CCDC14: variants seen among roughly 807,000 people sequenced by gnomAD.
CCDC14 encodes the protein coiled-coil domain containing 14, also known as coiled-coil domain-containing protein 14.
In CCDC14, 71 loss-of-function variants were observed where a neutral mutation model predicts 81.4. That is an observed-to-expected ratio of 0.87 (90% CI 0.72 to 1.06). The LOEUF is 1.06. Ranked by LOEUF, CCDC14 falls within the 50% of genes least tolerant of loss-of-function variation. The pLI, the probability that CCDC14 is intolerant of heterozygous loss-of-function variation, is 0.00. For synonymous variants in CCDC14, 332 were observed against 364.8 expected (o/e 0.91, Z 1.03); for missense variants, 1,046 against 1,047.3 (o/e 1.00, Z 0.02).
intron 9 of CCDC14, among the ~76,000 whole-genome samples, chr3:123,938,647 C>T (rs1348684534): frequency 6.6e-6 from 1 of 151,922 alleles, no homozygotes; most frequent in Non-Finnish European, 1.5e-5. Flanking sequence ...ACAGAAATAA[C>T]TATCATTATT....
chr3:123,937,995 T>G (rs1034925441), intron 9 of CCDC14, among the ~76,000 whole-genome samples: 3 of 151,904 alleles, frequency 2.0e-5, no homozygotes, highest in Non-Finnish European at 4.4e-5. Context: ...GACTCTATTC[T>G]GTTTCAGTGA....
intron 9 of CCDC14, among the ~76,000 whole-genome samples, chr3:123,941,950 C>T (rs561420431): frequency 6.6e-6 from 1 of 152,096 alleles, no homozygotes; most frequent in African/African-American, 2.4e-5. Flanking sequence ...GTTTTGGTAT[C>T]CTTATTTAAG....
intron 12 of CCDC14, among the ~76,000 whole-genome samples, chr3:123,917,122 C>T (rs1029112348): frequency 1.3e-5 from 2 of 151,606 alleles, no homozygotes; most frequent in Non-Finnish European, 2.9e-5. Flanking sequence ...GAATTACAGG[C>T]GTGAGCCACC....
chr3:123,948,930 A>T lies in CCDC14; in HGVS notation c.555T>A (p.Ile185=). 1 of 1,613,932 alleles carries T rather than the reference A, an allele frequency of 6.2e-7. No homozygotes were observed. Among genetic ancestry groups the T allele is most frequent in the Non-Finnish European group, 8.5e-7 (1 of 1,179,844 alleles). Residue 185 remains isoleucine (I), a synonymous_variant, in exon 6 of 13, where the codon ATT becomes ATA. Coordinates refer to ENST00000409697, the MANE Select transcript of CCDC14 (RefSeq NM_001366335.1). ...AGGGAGCATGGCATGGTACAGCAGG[A>T]ATTCCATTAGGGATGTTCTTTGAAG... is the stretch of plus-strand genomic sequence containing the variant. ...DLTSKNIPNG[I]PAVPCHAPSH... is the part of the protein sequence containing the mutation.
chr3:123,915,606 G>C lies in CCDC14; in HGVS notation c.1891C>G (p.Leu631Val), dbSNP rs1375459946. The C allele has an allele frequency of 6.2e-7, 1 of 1,613,922 alleles. No homozygotes were observed. ...KSLLNIHDKQ[L>V]QHDPAPAHTS... The stretch of plus-strand genomic sequence containing the variant: ...TGAGCAGGAGCTGGGTCATGTTGAA[G>C]TTGTTTATCATGAATGTTCAAGAGT... The change falls in exon 13 of 13, where the codon CTT (leucine) becomes GTT (valine). Residue 631 changes from leucine to valine, a missense_variant. Physicochemically the swap from Leu to Val is conservative, Grantham distance 32 (BLOSUM62 1). Coordinates refer to ENST00000409697, the MANE Select transcript of CCDC14 (RefSeq NM_001366335.1).
At position 123,914,666 on chromosome 3, in the gene CCDC14, A is replaced by G. The variant is rs2034554773; in HGVS notation, c.*113T>C. On this transcript the variant is annotated 3_prime_UTR_variant, in exon 13 of 13. Transcript: ENST00000409697. ...ACAATACATTTATTACTTGTACAAT[A>G]TATTACTTCACACATAATAACATAA... 3.5e-6 allele frequency: 5 copies of G among 1,428,868 alleles called. No individual in the cohort carries two copies. Among genetic ancestry groups the G allele is most frequent in the Admixed American group, 6.0e-5 (2 of 33,274 alleles). The allele number at this position is 1,428,868 out of a possible 1,614,324, so 88.5% of individuals were successfully genotyped here. A position where few individuals can be genotyped will look rare whatever the true frequency, so the allele number is the denominator to read the frequency against.
rs780060142 is a variant in CCDC14 at position 123,956,739 on chromosome 3, C to T, written c.86+1G>A. On this transcript the variant is annotated splice_donor_variant, in intron 2 of 12. Coordinates refer to ENST00000409697, the MANE Select transcript of CCDC14 (RefSeq NM_001366335.1). LOFTEE classifies it high-confidence loss of function. ...AGTTGTAAACGTCTTCAAGTACTTA[C>T]GCTTTCTTTCCATTTGTTAATTTAG... is the stretch of plus-strand genomic sequence containing the variant. 1.6e-5 allele frequency: 24 copies of T among 1,546,520 alleles called. No individual in the cohort carries two copies. The highest frequency in any genetic ancestry group is 4.8e-5 in the South Asian group (4 of 83,790).
At chr3:123,892,484 G>C (rs2034003884), downstream of CCDC14, among the ~76,000 whole-genome samples, 1 of 152,178 alleles carries the variant, frequency 6.6e-6, no homozygotes, top group Admixed American at 6.5e-5. Flanking sequence ...AACTGCCCTG[G>C]AGACATTTTC....
At chr3:123,912,728 A>G (rs577556719), downstream of CCDC14, among the ~76,000 whole-genome samples, 1 of 152,230 alleles carries the variant, frequency 6.6e-6, no homozygotes, top group South Asian at 2.1e-4. Context: ...CTGAAAAAAA[A>G]CAAAAAAACA....
At chr3:123,939,801 C>T (rs1269365546) in intron 9 of CCDC14, among the ~76,000 whole-genome samples, 5 of 151,566 alleles carry the variant, frequency 3.3e-5, no homozygotes, top group African/African-American at 4.8e-5. Context: ...AAATTTCAGC[C>T]TTCTCAAATT....
Position 123,948,927 on chromosome 3 carries a change from A to T in CCDC14, c.558T>A (p.Pro186=), listed in dbSNP as rs1384276529. 1 of 1,613,904 alleles carries T rather than the reference A, an allele frequency of 6.2e-7. No individual in the cohort carries two copies. The highest frequency in any genetic ancestry group is 8.5e-7 in the Non-Finnish European group (1 of 1,179,774). Residue 186 remains proline, a synonymous_variant, in exon 6 of 13, where the codon CCT becomes CCA. Transcript: ENST00000409697. ...GAGAGGGAGCATGGCATGGTACAGCAGGAATTCCATTAGGGATGTTCTTTG... is the reference window on the plus strand; with the variant it reads ...GAGAGGGAGCATGGCATGGTACAGCTGGAATTCCATTAGGGATGTTCTTTG... ...LTSKNIPNGI[P]AVPCHAPSHS...
At chr3:123,958,771 T>C (rs2037491032) in intron 1 of CCDC14, 1 of 152,058 alleles carries the variant, frequency 6.6e-6, no homozygotes, top group Non-Finnish European at 1.5e-5. Context: ...ATCCCAATAC[T>C]GTTCTTTACA....
At chr3:123,910,203 A>C (rs1000815511), downstream of CCDC14, among the ~76,000 whole-genome samples, 7 of 152,146 alleles carry the variant, frequency 4.6e-5, no homozygotes, top group African/African-American at 1.7e-4. Flanking sequence ...CAAGAATGAC[A>C]ATGTGAATAT....
the CCDC14 span, among the ~76,000 whole-genome samples, chr3:123,890,441 T>C: frequency 6.6e-6 from 1 of 152,144 alleles, no homozygotes; most frequent in African/African-American, 2.4e-5. Flanking sequence ...AAAAGCAAGT[T>C]AGTTACTTCC....
intron 5 of CCDC14, chr3:123,949,401 CT>C (rs1258595718): frequency 7.2e-6 from 3 of 416,146 alleles, no homozygotes; most frequent in Non-Finnish European, 1.3e-5. Context: ...AAAATCTCTC[CT>C]TCATTTTAAC....
chr3:123,930,302 G>C (rs780082687), intron 12 of CCDC14, among the ~76,000 whole-genome samples: 7 of 152,020 alleles, frequency 4.6e-5, no homozygotes, highest in Non-Finnish European at 8.8e-5. Flanking sequence ...ATTCAAAATC[G>C]ATCTGTTCAT....
chr3:123,947,432 T>C (rs2036717802), intron 7 of CCDC14, 113 bp from the exon 8 acceptor site: 2 of 726,924 alleles, frequency 2.8e-6, no homozygotes, highest in Non-Finnish European at 4.3e-6. Flanking sequence ...TATTAATATA[T>C]TCATTTTGTG....
intron 12 of CCDC14, among the ~76,000 whole-genome samples, chr3:123,921,438 G>T (rs763594439): frequency 2.0e-4 from 30 of 152,146 alleles, no homozygotes; most frequent in Middle Eastern, 3.4e-3. Context: ...AAGCAAAGAA[G>T]GTCACTATAT....
intron 9 of CCDC14, among the ~76,000 whole-genome samples, chr3:123,936,228 T>C (rs2036048694): frequency 6.6e-6 from 1 of 152,122 alleles, no homozygotes; most frequent in Admixed American, 6.6e-5. Flanking sequence ...TTTAAAATGA[T>C]ACATGATAAA....
Sources: allele counts gnomAD v4.1 joint callset (sites outside exome capture counted in the v4.1 genomes callset), GRCh38; gene constraint gnomAD v4.1.1; transcripts MANE v1.5; gene names NCBI Gene and HGNC (gene_info 2026-07-23, HGNC 2026-07-21).